NHSL1: variants seen among roughly 807,000 people sequenced by gnomAD.
NHSL1 encodes the protein NHS like 1.
A neutral mutation model predicts 95.0 loss-of-function variants in NHSL1; 48 were observed. The ratio of observed to expected loss-of-function variants is 0.51; its 90% confidence interval spans 0.40 to 0.64. NHSL1 has a LOEUF of 0.64. NHSL1 is among the 30% of genes least tolerant of loss of function. The pLI is 0.00. For synonymous variants in NHSL1, 783 were observed against 833.9 expected (o/e 0.94, Z 1.05); for missense variants, 1,971 against 2,077.7 (o/e 0.95, Z 1.00).
chr6:138,632,624 C>T (rs1310304370), intron 1 of NHSL1, among the ~76,000 whole-genome samples: 4 of 152,218 alleles, frequency 2.6e-5, no homozygotes, highest in Non-Finnish European at 4.4e-5. Context: ...GGTGTTACCT[C>T]TACGAGTCTG....
Position 138,423,432 on chromosome 6 carries a change from A to C in NHSL1, c.*649T>G, listed in dbSNP as rs1339071767. 1 of 152,252 alleles carries C rather than the reference A, an allele frequency of 6.6e-6. No individual in the cohort carries two copies. Among genetic ancestry groups the C allele is most frequent in the Non-Finnish European group, 1.5e-5 (1 of 68,058 alleles). The allele number at this position is 152,252 out of a possible 1,614,324, so 9.4% of individuals were successfully genotyped here. ...TTCTACGTTTGTCATTTTTACAAAA[A>C]AGAAGCAAAGTCTACCTCCCCCAGA... is the stretch of plus-strand genomic sequence containing the variant. On this transcript the variant is annotated 3_prime_UTR_variant, in exon 8 of 8. Transcript: ENST00000343505.
intron 5 of NHSL1, among the ~76,000 whole-genome samples, chr6:138,437,205 C>T (rs576786652): frequency 3.3e-5 from 5 of 149,270 alleles, no homozygotes; most frequent in African/African-American, 9.9e-5. Flanking sequence ...ACCCAGGAGG[C>T]GGAGGTTGCA....
At chr6:138,658,780 T>C (rs1240103452) in intron 1 of NHSL1, among the ~76,000 whole-genome samples, 3 of 152,168 alleles carry the variant, frequency 2.0e-5, no homozygotes, top group Admixed American at 6.5e-5. Context: ...ATTAAAGGAA[T>C]TGTAAATAAG....
upstream of NHSL1, among the ~76,000 whole-genome samples, chr6:138,574,053 G>C (rs1030406179): frequency 6.6e-6 from 1 of 151,988 alleles, no homozygotes; most frequent in Non-Finnish European, 1.5e-5. Context: ...TCAGCCTCCC[G>C]AGTAGCTGGG....
At chr6:138,441,532 T>C (rs1053915812) in intron 5 of NHSL1, among the ~76,000 whole-genome samples, 1 of 152,208 alleles carries the variant, frequency 6.6e-6, no homozygotes, top group African/African-American at 2.4e-5. Flanking sequence ...TTACCAATAA[T>C]CCCAGACTGT....
At chr6:138,595,822 T>G (rs1784296073) in intron 1 of NHSL1, among the ~76,000 whole-genome samples, 1 of 152,052 alleles carries the variant, frequency 6.6e-6, no homozygotes. Context: ...TAAGAGAAAG[T>G]GGAAAGTGAG....
intron 1 of NHSL1, among the ~76,000 whole-genome samples, chr6:138,604,713 C>A (rs538254394): frequency 6.6e-6 from 1 of 152,240 alleles, no homozygotes; most frequent in South Asian, 2.1e-4. Flanking sequence ...GCAACCTCTG[C>A]CTCCTGGGTT....
At chr6:138,579,461 T>A (rs1784020339) in intron 1 of NHSL1, among the ~76,000 whole-genome samples, 1 of 152,210 alleles carries the variant, frequency 6.6e-6, no homozygotes, top group Admixed American at 6.5e-5. Context: ...ATTAAAGGGT[T>A]AATAATAAAA....
At chr6:138,501,476 G>A (rs965388880), upstream of NHSL1, among the ~76,000 whole-genome samples, 1 of 152,154 alleles carries the variant, frequency 6.6e-6, no homozygotes, top group Non-Finnish European at 1.5e-5. Context: ...GAGTCAGGGT[G>A]GTCCTCGTGA....
At chr6:138,534,533 A>G (rs1296591443) in intron 1 of NHSL1, among the ~76,000 whole-genome samples, 1 of 152,216 alleles carries the variant, frequency 6.6e-6, no homozygotes, top group Non-Finnish European at 1.5e-5. Flanking sequence ...CAACCTCAGC[A>G]CAACAGATAT....
Position 138,447,015 on chromosome 6 carries a change from G to A in NHSL1, c.518C>T (p.Pro173Leu). ...GCAAAGCGTACCAGTTATGTTAATAGGCACCACGTCAGCCTGGACTGTTTG... is the reference window on the plus strand; with the variant it reads ...GCAAAGCGTACCAGTTATGTTAATAAGCACCACGTCAGCCTGGACTGTTTG... ...QAQTVQADVV[P>L]INITGENFDR... The change falls in exon 4 of 8, where the codon CCT becomes CTT. Residue 173 changes from proline (P) to leucine (L), a missense_variant. Pro to Leu is a moderately conservative substitution (Grantham distance 98). This residue lies in a region of NHSL1 where 1,602 missense variants were observed against 1,654.5 expected (regional missense o/e 0.97). Transcript: ENST00000343505. The A allele has an allele frequency of 6.4e-7, 1 of 1,551,640 alleles. No homozygotes were observed. Among genetic ancestry groups the A allele is most frequent in the Non-Finnish European group, 8.7e-7 (1 of 1,146,932 alleles).
At chr6:138,621,212 C>A (rs954441880) in intron 1 of NHSL1, among the ~76,000 whole-genome samples, 1 of 152,116 alleles carries the variant, frequency 6.6e-6, no homozygotes, top group Non-Finnish European at 1.5e-5. Flanking sequence ...AAATGGTATG[C>A]AAGTCAAACA....
At chr6:138,524,757 C>T (rs185529313) in intron 1 of NHSL1, among the ~76,000 whole-genome samples, 3 of 151,918 alleles carry the variant, frequency 2.0e-5, no homozygotes, top group African/African-American at 4.8e-5. Flanking sequence ...GGAGATATTG[C>T]CAAAAAGTTT....
upstream of NHSL1, among the ~76,000 whole-genome samples, chr6:138,500,956 G>A (rs1266173022): frequency 6.6e-6 from 1 of 152,202 alleles, no homozygotes; most frequent in Non-Finnish European, 1.5e-5. Context: ...GAGCCTGTAA[G>A]TCAGATTATG....
chr6:138,464,051 C>A, intron 3 of NHSL1: 1 of 404,138 alleles, frequency 2.5e-6, no homozygotes, highest in South Asian at 3.5e-5. Context: ...AATATTTACT[C>A]AGTAAATGAA....
At chr6:138,586,705 G>T (rs1290869049) in intron 1 of NHSL1, among the ~76,000 whole-genome samples, 4 of 152,226 alleles carry the variant, frequency 2.6e-5, no homozygotes, top group Admixed American at 2.6e-4. Context: ...AATAAAGGTA[G>T]TGGGGAGAGT....
chr6:138,573,421 AT>A (rs1288917037), upstream of NHSL1, among the ~76,000 whole-genome samples: 1 of 152,236 alleles, frequency 6.6e-6, no homozygotes, highest in Non-Finnish European at 1.5e-5. Flanking sequence ...TTTACTCAGC[AT>A]CGATCAGATA....
At chr6:138,476,796 C>T (rs1277540171) in intron 2 of NHSL1, among the ~76,000 whole-genome samples, 1 of 151,758 alleles carries the variant, frequency 6.6e-6, no homozygotes, top group Non-Finnish European at 1.5e-5. Flanking sequence ...TATTGTACTC[C>T]AGTCTGGGCA....
At chr6:138,492,839 C>G (rs527313956) in intron 2 of NHSL1, among the ~76,000 whole-genome samples, 1 of 152,040 alleles carries the variant, frequency 6.6e-6, no homozygotes, top group Non-Finnish European at 1.5e-5. Flanking sequence ...ATTATGGACA[C>G]AGTAAGAATA....
Sources: allele counts gnomAD v4.1 joint callset (sites outside exome capture counted in the v4.1 genomes callset), GRCh38; gene constraint gnomAD v4.1.1; regional missense constraint gnomAD v4.1.1; transcripts MANE v1.5; gene names NCBI Gene and HGNC (gene_info 2026-07-23, HGNC 2026-07-21).